TTC34: variants seen among roughly 807,000 people sequenced by gnomAD.
TTC34 encodes the protein tetratricopeptide repeat protein 34.
Under a neutral mutation model 40.7 loss-of-function variants are expected in TTC34, and 44 were observed. The ratio of observed to expected loss-of-function variants is 1.08; its 90% confidence interval spans 0.85 to 1.39. The LOEUF (loss-of-function observed/expected upper bound fraction) is 1.39, where lower values mean the gene tolerates loss of function less well. Ranked by LOEUF, TTC34 falls within the 40% of genes most tolerant of loss-of-function variation. The pLI is 0.00. For synonymous variants in TTC34, 422 were observed against 398.6 expected, an observed-to-expected ratio of 1.06 and a Z score of -0.70; for missense variants, 884 against 838.0, an observed-to-expected ratio of 1.05 and a Z score of -0.68.
chr1:2,798,008 C>T (rs1444716054), intron 2 of TTC34, among the ~76,000 whole-genome samples: 2 of 151,966 alleles, frequency 1.3e-5, no homozygotes, highest in African/African-American at 2.4e-5. Flanking sequence ...CTCCCAGTCT[C>T]TCAGCTGCCC....
At chr1:2,799,271 G>A (rs1222589258) in intron 2 of TTC34, among the ~76,000 whole-genome samples, 14 of 152,208 alleles carry the variant, frequency 9.2e-5, no homozygotes, top group Admixed American at 2.0e-4. Context: ...CGCCGGGCGC[G>A]GTGGTTCACT....
At chr1:2,693,787 C>G (rs1194578349) in intron 6 of TTC34, among the ~76,000 whole-genome samples, 10 of 101,448 alleles carry the variant, frequency 9.9e-5, no homozygotes, top group Non-Finnish European at 1.1e-4. Flanking sequence ...GCACCCACAC[C>G]CCCAGGTGCG....
intron 6 of TTC34, among the ~76,000 whole-genome samples, chr1:2,684,972 C>A (rs1570809311): frequency 7.0e-6 from 1 of 142,340 alleles, no homozygotes. Flanking sequence ...AGACGAGCAT[C>A]TGACAGCTTA....
At chr1:2,693,803 G>C (rs1274964083) in intron 6 of TTC34, among the ~76,000 whole-genome samples, 94 of 128,922 alleles carry the variant, frequency 7.3e-4, no homozygotes, top group Admixed American at 9.5e-4. Context: ...GTGCGCATGT[G>C]ATGGTCTGGA....
intron 6 of TTC34, among the ~76,000 whole-genome samples, chr1:2,753,321 G>A (rs1641388904): frequency 2.1e-4 from 26 of 123,674 alleles, no homozygotes; most frequent in Admixed American, 5.0e-4. Flanking sequence ...CGACAGCCTG[G>A]AGCATCACCC....
exon 3 of TTC34, chr1:2,789,733 C>T: frequency 1.2e-6 from 1 of 829,790 alleles, no homozygotes; most frequent in African/African-American, 1.8e-5. Context: ...ACGCGCTGCC[C>T]GCCAGCACCC....
Position 2,789,373 on chromosome 1 carries a change from G to C in TTC34, c.1628+130C>G, listed in dbSNP as rs1041075335. ...AAGCAGCGGAGCTAGACCTGCCTCG[G>C]GTGCTTTGGGAAGTCACCAGCCACT... On this transcript the variant is annotated intron_variant, in intron 3 of 8. Transcript: ENST00000401095. 3.4e-6 allele frequency: 3 copies of C among 883,596 alleles called. No individual in the cohort carries two copies. The Admixed American group carries it at 9.8e-5, about 29-fold the overall frequency. 54.7% of individuals were successfully genotyped at this position (883,596 alleles called of 1,614,324 possible). A position where few individuals can be genotyped will look rare whatever the true frequency, so the allele number is the denominator to read the frequency against.
chr1:2,674,679 C>A (rs1326500294), intron 6 of TTC34, among the ~76,000 whole-genome samples: 2 of 18,508 alleles, frequency 1.1e-4, no homozygotes, highest in African/African-American at 1.5e-4. Flanking sequence ...AGCACCCACA[C>A]CCCCAGGTGA....
chr1:2,666,001 AC>A (rs1639638507), intron 6 of TTC34, among the ~76,000 whole-genome samples: 1 of 45,268 alleles, frequency 2.2e-5, no homozygotes, highest in African/African-American at 5.9e-5. Flanking sequence ...CTGGAAGAGC[AC>A]CCCACATCAC....
Position 2,700,021 on chromosome 1 carries a change from G to A in TTC34, c.2227-54458C>T, listed in dbSNP as rs538165823. ...TGGAGCAGCGTCCACACCCCCAGGT[G>A]AGCATCTGATAGCCTGGAGCAGCGC... On this transcript the variant is annotated intron_variant, in intron 6 of 8. Coordinates refer to ENST00000401095, the Ensembl canonical transcript of TTC34. 1.7e-5 allele frequency among the ~76,000 whole-genome samples: 2 copies of A among 120,290 alleles called. 1 individual carries two copies. The highest frequency in any genetic ancestry group is 1.8e-4 in the Admixed American group (2 of 11,286). The allele number at this position is 120,290 out of a possible 152,430, so 78.9% of individuals were successfully genotyped here.
At chr1:2,651,927 A>G (rs978582354) in intron 6 of TTC34, among the ~76,000 whole-genome samples, 4 of 152,068 alleles carry the variant, frequency 2.6e-5, no homozygotes, top group Admixed American at 6.5e-5. Context: ...CCCTGCACTC[A>G]GGGGAGCATC....
Position 2,645,568 on chromosome 1 carries a change from A to G in TTC34, c.2227-5T>C, listed in dbSNP as rs1639006408. On this transcript the variant is annotated splice_region_variant and splice_polypyrimidine_tract_variant and intron_variant, in intron 6 of 8. Transcript: ENST00000401095. The surrounding 1 kb of genome is among the most constrained non-coding windows in gnomAD (Gnocchi z 4.7). ...GACGATGTCGTCCACGGCTTCCTGC[A>G]AGGAGGGAGGGCGGGCGGGTGCAGA... 3.5e-6 allele frequency: 1 copy of G among 284,020 alleles called. No individual in the cohort carries two copies. The highest frequency in any genetic ancestry group is 6.1e-6 in the Non-Finnish European group (1 of 165,034). The allele number at this position is 284,020 out of a possible 1,614,324, so 17.6% of individuals were successfully genotyped here. A position where few individuals can be genotyped will look rare whatever the true frequency, so the allele number is the denominator to read the frequency against.
At chr1:2,646,081 C>T in intron 6 of TTC34, among the ~76,000 whole-genome samples, 1 of 152,186 alleles carries the variant, frequency 6.6e-6, no homozygotes, top group Admixed American at 6.5e-5. Context: ...CTCCCAGAAG[C>T]AGTGGAAGGA....
chr1:2,642,776 G>A (rs1034029763), intron 8 of TTC34, among the ~76,000 whole-genome samples: 1 of 152,184 alleles, frequency 6.6e-6, no homozygotes, highest in Non-Finnish European at 1.5e-5. Context: ...CCAGGACCCC[G>A]CCAGGCTTGG....
intron 6 of TTC34, among the ~76,000 whole-genome samples, chr1:2,749,507 T>C (rs1641248306): frequency 1.2e-5 from 1 of 80,582 alleles, no homozygotes; most frequent in African/African-American, 7.6e-5. Flanking sequence ...TTGGACAGCC[T>C]GGAGCAGCAC....
Position 2,752,796 on chromosome 1 carries a change from C to G in TTC34, c.2226+30813G>C, listed in dbSNP as rs1364580593. Among the ~76,000 whole-genome samples the G allele has an allele frequency of 1.1e-3, 139 of 131,442 alleles. 1 individual carries two copies. The highest frequency in any genetic ancestry group is 1.6e-3 in the Non-Finnish European group (98 of 61,000). 86.2% of individuals were successfully genotyped at this position (131,442 alleles called of 152,430 possible). A position where few individuals can be genotyped will look rare whatever the true frequency, so the allele number is the denominator to read the frequency against. ...TACGCCCAGATAAGCATGTGACAGCCTGGAACAGCTCCCTGCATCCCCAGG... is the reference window on the plus strand; with the variant it reads ...TACGCCCAGATAAGCATGTGACAGCGTGGAACAGCTCCCTGCATCCCCAGG... On this transcript the variant is annotated intron_variant, in intron 6 of 8. Coordinates refer to ENST00000401095, the Ensembl canonical transcript of TTC34.
intron 6 of TTC34, among the ~76,000 whole-genome samples, chr1:2,695,740 G>T (rs558311415): frequency 6.6e-6 from 1 of 151,044 alleles, no homozygotes; most frequent in Non-Finnish European, 1.5e-5. Context: ...CTGAAATCCT[G>T]GAACAGCACC....
At chr1:2,787,361 C>T (rs1204614507) in intron 4 of TTC34, 120 bp downstream of exon 4, 3 of 879,858 alleles carry the variant, frequency 3.4e-6, no homozygotes, top group Non-Finnish European at 4.9e-6. Flanking sequence ...GGGCTGAATG[C>T]AGTCGCCTGG....
intron 2 of TTC34, among the ~76,000 whole-genome samples, chr1:2,797,339 G>A (rs1031887974): frequency 2.0e-5 from 3 of 152,192 alleles, no homozygotes; most frequent in South Asian, 2.1e-4. Flanking sequence ...GCAGGGAGCC[G>A]CAGTGCCTTG....
Sources: gnomAD v4.1 joint callset for allele counts (sites outside exome capture counted in the v4.1 genomes callset) on GRCh38, gnomAD v4.1.1 for gene constraint, Gnocchi (gnomAD v3.1) non-coding constraint, MANE v1.5 for transcripts, NCBI Gene and HGNC (gene_info 2026-07-23, HGNC 2026-07-21) for gene names.